Variants in JAG2 observed in about 807,000 individuals in gnomAD.
JAG2 encodes the protein protein jagged-2.
Under a neutral mutation model 141.7 loss-of-function variants are expected in JAG2, and 46 were observed. The ratio of observed to expected loss-of-function variants is 0.32; its 90% CI spans 0.26 to 0.42. The LOEUF is 0.42. Ranked by LOEUF, JAG2 falls within the 10% of genes least tolerant of loss-of-function variation. JAG2 has a pLI of 1.00. For missense variants in JAG2, 1,500 were observed against 1,817.5 expected, an observed-to-expected ratio of 0.83 and a Z score of 3.18; for synonymous variants, 862 against 763.5, an observed-to-expected ratio of 1.13 and a Z score of -2.13.
At chr14:105,147,288 TGA>T (rs1404206706) in intron 20 of JAG2, 36 bp downstream of exon 20, 7 of 1,521,104 alleles carry the variant, frequency 4.6e-6, no homozygotes, top group Admixed American at 2.0e-5. Flanking sequence ...GCGGCTGGGC[TGA>T]GGGGCTCCCA....
intron 24 of JAG2, among the ~76,000 whole-genome samples, chr14:105,143,970 G>A (rs977319473): frequency 5.4e-5 from 8 of 147,198 alleles, no homozygotes; most frequent in South Asian, 2.2e-4. Flanking sequence ...AGGGTCCTGC[G>A]GTGGGGACCT....
chr14:105,141,439 A>G lies in JAG2; in HGVS notation c.*1256T>C, dbSNP rs1888056788. 1 of 152,252 alleles carries G rather than the reference A, an allele frequency of 6.6e-6. No homozygotes were observed. Among genetic ancestry groups the G allele is most frequent in the African/African-American group, 2.4e-5 (1 of 41,466 alleles). The allele number at this position is 152,252 out of a possible 1,614,324, so 9.4% of individuals were successfully genotyped here. ...TGGGTAAGCAATTTTATACTATTTT[A>G]TAAAACTGTTTTCAGCTGTTTTAGT... On this transcript the variant is annotated 3_prime_UTR_variant, in exon 26 of 26. Coordinates refer to ENST00000331782, the MANE Select transcript of JAG2 (RefSeq NM_002226.5).
chr14:105,166,150 G>A (rs962798918), intron 2 of JAG2, among the ~76,000 whole-genome samples: 11 of 152,222 alleles, frequency 7.2e-5, no homozygotes, highest in Admixed American at 3.9e-4. Context: ...AGCTGGCCCC[G>A]AAACCCAGTG....
At chr14:105,145,694 T>G in intron 23 of JAG2, 37 bp downstream of exon 23, 1 of 1,569,024 alleles carries the variant, frequency 6.4e-7, no homozygotes, top group South Asian at 1.2e-5. Context: ...TGCCGGCGTG[T>G]GGCCTCTGCA....
Position 105,168,399 on chromosome 14 carries a change from G to C in JAG2, c.22C>G (p.Arg8Gly). Residue 8 changes from arginine (R) to glycine (G), a missense_variant, in exon 1 of 26, where the codon CGC becomes GGC. By Grantham distance (125) the Arg-to-Gly change is moderately radical. Coordinates refer to ENST00000331782, the MANE Select transcript of JAG2 (RefSeq NM_002226.5). Reference sequence around the variant, plus strand: ...AGCAGCAGCAGCCGCCGGGGAAGGCGCCCCCGGCCCTGCGCCCGCATTGCC... The same window carrying C: ...AGCAGCAGCAGCCGCCGGGGAAGGCCCCCCCGGCCCTGCGCCCGCATTGCC... MRAQGRG[R>G]LPRRLLLLLA... The C allele has an allele frequency of 1.0e-6, 1 of 997,336 alleles. No individual in the cohort carries two copies. Among genetic ancestry groups the C allele is most frequent in the South Asian group, 3.0e-5 (1 of 32,998 alleles). The allele number at this position is 997,336 out of a possible 1,614,324, so 61.8% of individuals were successfully genotyped here. A position where few individuals can be genotyped will look rare whatever the true frequency, so the allele number is the denominator to read the frequency against.
intron 23 of JAG2, 135 bp from the exon 24 acceptor site, chr14:105,145,196 C>A: frequency 1.6e-6 from 2 of 1,245,730 alleles, no homozygotes; most frequent in Non-Finnish European, 2.3e-6. Context: ...ATGCCAAGGG[C>A]CTGGGGGGGC....
In JAG2 at chr14:105,155,518, G is replaced by A. The variant is rs1485923465; in HGVS notation, c.788+44C>T. On this transcript the variant is annotated intron_variant, in intron 5 of 25. Transcript: ENST00000331782. ...GCTGTGTGTGCCAGTGAGGACGTGA[G>A]GGCAAAGGTTGGGAGGGCAAAGACG... The A allele has an allele frequency of 5.0e-6, 8 of 1,607,022 alleles. No individual in the cohort carries two copies. In the East Asian group the frequency reaches 1.3e-4, roughly 27 times the overall value.
chr14:105,151,152 C>T, intron 9 of JAG2, 48 bp from the exon 10 acceptor site: 1 of 1,557,366 alleles, frequency 6.4e-7, no homozygotes, highest in Non-Finnish European at 8.7e-7. Context: ...CCCTGCCTGC[C>T]CCCTGCAGCA....
In JAG2 at chr14:105,167,932, T is replaced by C; in HGVS notation, c.242A>G (p.Lys81Arg). 1 of 1,600,958 alleles carries C rather than the reference T, an allele frequency of 6.2e-7. No individual in the cohort carries two copies. Among genetic ancestry groups the C allele is most frequent in the Non-Finnish European group, 8.5e-7 (1 of 1,176,574 alleles). The change falls in exon 2 of 26, where the codon AAG becomes AGG. Residue 81 changes from lysine (K) to arginine (R), a missense_variant. Physicochemically the swap from Lys to Arg is conservative, Grantham distance 26. Transcript: ENST00000331782. This position sits in a 1 kb window ranked among gnomAD's most constrained non-coding sequence, Gnocchi z 4.8. ...GCTGCAGGGCCCCGTGGGCGTCACC[T>C]TGGCCTGGTACTCCTTAAGGCACAC... The part of the protein sequence containing the change: ...VRVCLKEYQA[K>R]VTPTGPCSYG...
chr14:105,149,194 G>A lies in JAG2; in HGVS notation c.1729C>T (p.Pro577Ser). 6.3e-7 allele frequency: 1 copy of A among 1,580,370 alleles called. No homozygotes were observed. Among genetic ancestry groups the A allele is most frequent in the South Asian group, 1.1e-5 (1 of 90,322 alleles). Residue 577 changes from proline (P) to serine (S), a missense_variant, in exon 13 of 26, where the codon CCG becomes TCG. By Grantham distance (74) the Pro-to-Ser change is moderately conservative. This residue lies in a region of JAG2 where 875 missense variants were observed against 1,202.2 expected (regional missense o/e 0.73). Coordinates refer to ENST00000331782, the MANE Select transcript of JAG2 (RefSeq NM_002226.5). The stretch of plus-strand genomic sequence containing the variant: ...CCTCTGCAGGCCCCGCCAGGGCACG[G>A]CTCGCGGGGCACGGAGCAGTTCTTG... The part of the protein sequence containing the change: ...GGKNCSVPRE[P>S]CPGGACRVID...
Position 105,167,841 on chromosome 14 carries a change from C to A in JAG2, c.333G>T (p.Ala111=). The change falls in exon 2 of 26, where the codon GCG becomes GCT. Residue 111 remains alanine, a synonymous_variant. Coordinates refer to ENST00000331782, the MANE Select transcript of JAG2 (RefSeq NM_002226.5). This position sits in a 1 kb window ranked among gnomAD's most constrained non-coding sequence, Gnocchi z 4.8. The part of the protein sequence containing the change: ...NSFYLPPAGA[A]GDRARARARA... ...GGGCCCGCGCCCGCGCTCGGTCCCCCGCAGCGCCCGCCGGCGGCAGGTAGA... is the reference window on the plus strand; with the variant it reads ...GGGCCCGCGCCCGCGCTCGGTCCCCAGCAGCGCCCGCCGGCGGCAGGTAGA... 5 of 1,507,484 alleles carry A rather than the reference C, an allele frequency of 3.3e-6. No homozygotes were observed. Among genetic ancestry groups the A allele is most frequent in the African/African-American group, 2.9e-5 (2 of 69,158 alleles). 93.4% of individuals were successfully genotyped at this position (1,507,484 alleles called of 1,614,324 possible).
Position 105,146,416 on chromosome 14 carries a change from C to T in JAG2, c.2678G>A (p.Arg893His), listed in dbSNP as rs758419917. The change falls in exon 22 of 26, where the codon CGC becomes CAC. Residue 893 changes from arginine (R) to histidine (H), a missense_variant. Arg to His is a conservative substitution (Grantham distance 29, BLOSUM62 0). Coordinates refer to ENST00000331782, the MANE Select transcript of JAG2 (RefSeq NM_002226.5). The stretch of plus-strand genomic sequence containing the variant: ...GCAGTCACGGCGGCCATCCAGGCAG[C>T]GGCAGCTGTTGCAGTCTTCCACCCA... ...SSWVEDCNSC[R>H]CLDGRRDCSK... 50 of 1,612,558 alleles carry T rather than the reference C, an allele frequency of 3.1e-5. No homozygotes were observed. The highest frequency in any genetic ancestry group is 1.0e-4 in the Admixed American group (6 of 60,010).
chr14:105,156,289 G>A (rs1031310870), intron 3 of JAG2, among the ~76,000 whole-genome samples: 1 of 152,134 alleles, frequency 6.6e-6, no homozygotes, highest in African/African-American at 2.4e-5. Flanking sequence ...AGGCTCCACA[G>A]AGAAGGCACG....
rs192209166 is a variant in JAG2, at chr14:105,152,480, G to A, written c.789-189C>T. Among the ~76,000 whole-genome samples, 454 of 152,292 alleles carry A rather than the reference G, an allele frequency of 3.0e-3. 3 individuals are homozygous for A. The highest frequency in any genetic ancestry group is 0.01 in the Middle Eastern group (3 of 294). On this transcript the variant is annotated intron_variant, in intron 5 of 25. Coordinates refer to ENST00000331782, the MANE Select transcript of JAG2 (RefSeq NM_002226.5). ...CAGCCCCACTGTCACGGGCATTCCC[G>A]GCCGCTGGCTGCCGACGGTCAGCCC...
intron 15 of JAG2, 117 bp from the exon 16 acceptor site, chr14:105,148,556 C>A (rs756927539): frequency 2.4e-5 from 20 of 818,180 alleles, no homozygotes; most frequent in Non-Finnish European, 3.9e-5. Flanking sequence ...GGGGGAGGAG[C>A]GTCGGGCCGG....
Position 105,168,398 on chromosome 14 carries a change from C to A in JAG2, c.23G>T (p.Arg8Leu), listed in dbSNP as rs1888990729. The change falls in exon 1 of 26, where the codon CGC becomes CTC. Residue 8 changes from arginine to leucine, a missense_variant. Arg to Leu is a moderately radical substitution (Grantham distance 102). Transcript: ENST00000331782. Reference protein sequence around the residue: MRAQGRGRLPRRLLLLLA... With the variant: MRAQGRGLLPRRLLLLLA... Reference sequence around the variant, plus strand: ...CAGCAGCAGCAGCCGCCGGGGAAGGCGCCCCCGGCCCTGCGCCCGCATTGC... The same window carrying A: ...CAGCAGCAGCAGCCGCCGGGGAAGGAGCCCCCGGCCCTGCGCCCGCATTGC... 2.0e-6 allele frequency: 2 copies of A among 1,018,144 alleles called. No homozygotes were observed. Among genetic ancestry groups the A allele is most frequent in the Non-Finnish European group, 1.2e-6 (1 of 831,660 alleles). 63.1% of individuals were successfully genotyped at this position (1,018,144 alleles called of 1,614,324 possible). A position where few individuals can be genotyped will look rare whatever the true frequency, so the allele number is the denominator to read the frequency against.
intron 2 of JAG2, among the ~76,000 whole-genome samples, chr14:105,166,149 C>T (rs1057070288): frequency 3.9e-5 from 6 of 152,230 alleles, no homozygotes; most frequent in Non-Finnish European, 7.3e-5. Flanking sequence ...GAGCTGGCCC[C>T]GAAACCCAGT....
chr14:105,148,246 C>A lies in JAG2; in HGVS notation c.2135-17G>T, dbSNP rs372332625. ...GGAACTCGCCTGTTGGCACATGGGC[C>A]GCTCAGCAGGCAGGCCCCAGACCGC... On this transcript the variant is annotated splice_polypyrimidine_tract_variant and intron_variant, in intron 16 of 25. Transcript: ENST00000331782. 6.4e-7 allele frequency: 1 copy of A among 1,566,896 alleles called. No individual in the cohort carries two copies. Among genetic ancestry groups the A allele is most frequent in the South Asian group, 1.2e-5 (1 of 86,168 alleles).
chr14:105,159,064 C>T (rs368929553), intron 2 of JAG2, among the ~76,000 whole-genome samples: 1 of 152,030 alleles, frequency 6.6e-6, no homozygotes, highest in Non-Finnish European at 1.5e-5. Flanking sequence ...TGCACTCCCA[C>T]GTCCAGCCCC....
Sources: gnomAD v4.1 joint callset for allele counts (sites outside exome capture counted in the v4.1 genomes callset) on GRCh38, gnomAD v4.1.1 for gene constraint, gnomAD v4.1.1 regional missense constraint, Gnocchi (gnomAD v3.1) non-coding constraint, MANE v1.5 for transcripts, NCBI Gene and HGNC (gene_info 2026-07-23, HGNC 2026-07-21) for gene names.